Variants in LUZP2 observed in about 807,000 individuals in gnomAD.
The protein encoded by LUZP2 is leucine zipper protein 2.
A neutral mutation model predicts 51.6 loss-of-function variants in LUZP2; 52 were observed. The observed-to-expected ratio is 1.01, with a 90% CI of 0.81 to 1.27. LUZP2 has a LOEUF of 1.27. Ranked by LOEUF, LUZP2 falls within the 50% of genes most tolerant of loss-of-function variation. The pLI is 0.00. For missense variants in LUZP2, 436 were observed against 395.4 expected, an observed-to-expected ratio of 1.10 and a Z score of -0.87; for synonymous variants, 154 against 137.3, an observed-to-expected ratio of 1.12 and a Z score of -0.85.
At position 24,582,299 on chromosome 11, in the gene LUZP2, A is replaced by AT. The variant is rs67262111; in HGVS notation, c.62+85020dup. 8.1e-3 allele frequency among the ~76,000 whole-genome samples: 440 copies of AT among 54,554 alleles called. 38 individuals carry two copies. The highest frequency in any genetic ancestry group is 0.029 in the African/African-American group (410 of 14,254). 35.8% of individuals were successfully genotyped at this position (54,554 alleles called of 152,430 possible). On this transcript the variant is annotated intron_variant, in intron 1 of 11. Coordinates refer to ENST00000336930, the MANE Select transcript of LUZP2 (RefSeq NM_001009909.4). The stretch of plus-strand genomic sequence containing the variant: ...TGTGGCTCTCTGTAATCCCTAGCTG[A>AT]TTTTTTTTTTTTTTTTTTTTTTTTT...
chr11:25,036,949 T>G (rs1216840444), intron 9 of LUZP2, among the ~76,000 whole-genome samples: 1 of 152,170 alleles, frequency 6.6e-6, no homozygotes, highest in East Asian at 1.9e-4. Context: ...AGTGGAGTAT[T>G]GTGTAGATGT....
intron 9 of LUZP2, among the ~76,000 whole-genome samples, chr11:25,031,015 A>ATTT (rs34776436): frequency 8.4e-5 from 1 of 11,880 alleles, no homozygotes; most frequent in South Asian, 1.4e-3. Context: ...ATATATATAT[A>ATTT]TTTTTTTTTT....
intron 5 of LUZP2, among the ~76,000 whole-genome samples, chr11:24,796,904 A>G (rs1253149548): frequency 1.3e-5 from 2 of 152,232 alleles, no homozygotes; most frequent in South Asian, 2.1e-4. Flanking sequence ...TTTATTTTGC[A>G]TAGTGAACCA....
At chr11:25,029,961 T>A (rs1857599062) in intron 9 of LUZP2, among the ~76,000 whole-genome samples, 1 of 152,126 alleles carries the variant, frequency 6.6e-6, no homozygotes, top group Non-Finnish European at 1.5e-5. Context: ...GTAAGGTGTG[T>A]ACATAACATA....
chr11:24,607,447 G>T (rs1052097150), intron 1 of LUZP2, among the ~76,000 whole-genome samples: 18 of 130,294 alleles, frequency 1.4e-4, no homozygotes, highest in African/African-American at 4.3e-4. Flanking sequence ...TGGCACCTTT[G>T]TCAAAAATTA....
intron 7 of LUZP2, among the ~76,000 whole-genome samples, chr11:24,919,682 T>A (rs1853962484): frequency 6.7e-6 from 1 of 149,538 alleles, no homozygotes; most frequent in Non-Finnish European, 1.5e-5. Context: ...ATATAATGAT[T>A]TAAATTTACA....
At chr11:24,842,500 A>C (rs1851065898) in intron 5 of LUZP2, among the ~76,000 whole-genome samples, 1 of 151,914 alleles carries the variant, frequency 6.6e-6, no homozygotes, top group Non-Finnish European at 1.5e-5. Context: ...ACAACCAACA[A>C]GGCGAATTCA....
chr11:24,820,109 GACAAAAGA>G (rs1850312317), intron 5 of LUZP2, among the ~76,000 whole-genome samples: 1 of 152,046 alleles, frequency 6.6e-6, no homozygotes, highest in African/African-American at 2.4e-5. Context: ...AGCCTAGTGA[GACAAAAGA>G]AAAAAATATT....
intron 5 of LUZP2, among the ~76,000 whole-genome samples, chr11:24,790,763 A>C (rs915536802): frequency 1.3e-5 from 2 of 152,140 alleles, no homozygotes; most frequent in East Asian, 3.9e-4. Flanking sequence ...CGGCCTTCCA[A>C]AATGCTGGGA....
At chr11:24,771,764 C>T (rs80276836) in intron 5 of LUZP2, among the ~76,000 whole-genome samples, 1 of 151,838 alleles carries the variant, frequency 6.6e-6, no homozygotes, top group African/African-American at 2.4e-5. Flanking sequence ...GCAGTTTTCC[C>T]CGTACTGTTC....
chr11:24,732,828 A>G (rs533918922), intron 3 of LUZP2, among the ~76,000 whole-genome samples: 2 of 151,612 alleles, frequency 1.3e-5, no homozygotes, highest in African/African-American at 4.8e-5. Context: ...GTTTGTATAT[A>G]TTTTCTTGTT....
At chr11:24,762,992 A>G (rs1860036354) in intron 4 of LUZP2, 13 of 942,756 alleles carry the variant, frequency 1.4e-5, no homozygotes, top group Non-Finnish European at 1.5e-5. Context: ...TCACAGTCAT[A>G]AAGTGTAGGG....
chr11:25,034,922 T>C (rs1020618214), intron 9 of LUZP2, among the ~76,000 whole-genome samples: 2 of 152,054 alleles, frequency 1.3e-5, no homozygotes, highest in Non-Finnish European at 2.9e-5. Context: ...ATAAACAGAA[T>C]TAAAAGCAGA....
intron 10 of LUZP2, among the ~76,000 whole-genome samples, chr11:25,053,696 A>T (rs11028386): frequency 6.6e-6 from 1 of 152,112 alleles, no homozygotes; most frequent in Non-Finnish European, 1.5e-5. Flanking sequence ...CCATTCACCA[A>T]TTGCTGTCTT....
intron 9 of LUZP2, among the ~76,000 whole-genome samples, chr11:25,044,253 GTGTGTATATATATATATATA>G (rs1212970442): frequency 9.1e-4 from 29 of 31,804 alleles, no homozygotes; most frequent in African/African-American, 3.0e-3. Context: ...GTGTGTGTGT[GTGTGTATATATATATATATA>G]TATATATATA....
At chr11:24,921,255 G>A (rs1478528904) in intron 7 of LUZP2, among the ~76,000 whole-genome samples, 1 of 152,158 alleles carries the variant, frequency 6.6e-6, no homozygotes, top group Non-Finnish European at 1.5e-5. Context: ...CGGCAGAAAA[G>A]TGGTTGCTTA....
At chr11:24,652,888 A>G (rs1422850680) in intron 1 of LUZP2, among the ~76,000 whole-genome samples, 1 of 141,802 alleles carries the variant, frequency 7.1e-6, no homozygotes, top group East Asian at 2.1e-4. Flanking sequence ...GGTTCAAGCT[A>G]GTTGGTGGGA....
chr11:24,934,431 G>T (rs78360825), intron 7 of LUZP2, among the ~76,000 whole-genome samples: 2 of 152,052 alleles, frequency 1.3e-5, no homozygotes, highest in Admixed American at 6.5e-5. Context: ...ATTATTTCCC[G>T]TTCTTACTCT....
chr11:24,829,560 G>T (rs530090832), intron 5 of LUZP2, among the ~76,000 whole-genome samples: 1 of 152,230 alleles, frequency 6.6e-6, no homozygotes, highest in African/African-American at 2.4e-5. Context: ...TTACTCTGTT[G>T]CACAAAGAGG....
Sources: allele counts gnomAD v4.1 joint callset (sites outside exome capture counted in the v4.1 genomes callset), GRCh38; gene constraint gnomAD v4.1.1; transcripts MANE v1.5; gene names NCBI Gene and HGNC (gene_info 2026-07-23, HGNC 2026-07-21).